The following SNAP47 variants were observed in gnomAD, a reference collection of about 807,000 sequenced individuals.
SNAP47 encodes synaptosomal-associated protein 47.
Under a neutral mutation model 31.4 loss-of-function variants are expected in SNAP47, and 20 were observed. The ratio of observed to expected loss-of-function variants is 0.64; its 90% CI spans 0.45 to 0.93. The LOEUF (loss-of-function observed/expected upper bound fraction) is 0.93, where lower values mean the gene tolerates loss of function less well. SNAP47 is among the 40% of genes least tolerant of loss of function. The probability of loss-of-function intolerance (pLI) is 0.00; values close to 1 mark genes in which losing one functional copy is unlikely to be tolerated. For synonymous variants in SNAP47, 194 were observed against 213.4 expected (o/e 0.91, Z 0.79); for missense variants, 492 against 528.5 (o/e 0.93, Z 0.68).
chr1:227,754,453 G>GGC (rs1662570706), intron 2 of SNAP47, among the ~76,000 whole-genome samples: 1 of 152,138 alleles, frequency 6.6e-6, no homozygotes, highest in African/African-American at 2.4e-5. Context: ...CTGTCCATCC[G>GGC]TAAGGGTGGA....
chr1:227,759,674 G>T (rs559970375), intron 3 of SNAP47, 189 bp downstream of exon 3: 1 of 693,452 alleles, frequency 1.4e-6, no homozygotes, highest in East Asian at 2.7e-5. Flanking sequence ...CTTGACATCT[G>T]TGAATCTGAA....
intron 2 of SNAP47, among the ~76,000 whole-genome samples, chr1:227,754,475 G>A (rs1662571964): frequency 1.3e-5 from 2 of 152,150 alleles, no homozygotes; most frequent in Non-Finnish European, 2.9e-5. Context: ...CCCTAGCCAG[G>A]GACCACGCCC....
chr1:227,735,256 G>T, upstream of SNAP47: 1 of 1,603,408 alleles, frequency 6.2e-7, no homozygotes, highest in South Asian at 1.1e-5. Context: ...CGGCGAGGGC[G>T]CGCGTCTCGC....
intron 4 of SNAP47, chr1:227,770,569 A>G (rs1663737525): frequency 6.5e-6 from 1 of 154,710 alleles, no homozygotes; most frequent in Admixed American, 6.5e-5. Context: ...TCTCTTTTTT[A>G]GGAACTGGAG....
At chr1:227,758,934 A>G (rs540218133) in intron 2 of SNAP47, 61 bp from the exon 3 acceptor site, 2 of 1,520,402 alleles carry the variant, frequency 1.3e-6, no homozygotes, top group Non-Finnish European at 1.8e-6. Context: ...TTCCAAAAAA[A>G]AAGGTATTAC....
chr1:227,758,534 T>G (rs1002738080), intron 2 of SNAP47, among the ~76,000 whole-genome samples: 7 of 152,168 alleles, frequency 4.6e-5, no homozygotes, highest in African/African-American at 1.7e-4. Context: ...TGAGTCTGGC[T>G]GAGGCTGGGG....
intron 1 of SNAP47, 150 bp downstream of exon 1, chr1:227,735,649 AGGGGCGGGGACAGAGGCGGTTCTG>A: frequency 7.6e-7 from 1 of 1,311,488 alleles, no homozygotes; most frequent in Non-Finnish European, 9.7e-7. Flanking sequence ...GCGCTGGGAG[AGGGGCGGGGACAGAGGCGGTTCTG>A]GGGGCGGGAG....
chr1:227,767,152 C>T, intron 4 of SNAP47, 69 bp downstream of exon 4: 1 of 1,584,784 alleles, frequency 6.3e-7, no homozygotes, highest in South Asian at 1.1e-5. Context: ...CTCCTCTTGC[C>T]TTTCTGATCA....
chr1:227,772,608 T>A (rs1425865832), intron 4 of SNAP47, among the ~76,000 whole-genome samples: 1 of 152,146 alleles, frequency 6.6e-6, no homozygotes, highest in Non-Finnish European at 1.5e-5. Context: ...TACACAGTGG[T>A]CCTCTTATTA....
In SNAP47 at chr1:227,767,095, C is replaced by T; in HGVS notation, c.1113+12C>T. ...AGGAACTAACCCAGGTAAGATGTCC[C>T]CAGTGCCATGCCAGCCAGCGCTGTG... On this transcript the variant is annotated intron_variant, in intron 4 of 4. Transcript: ENST00000617596. 6.2e-7 allele frequency: 1 copy of T among 1,613,864 alleles called. No homozygotes were observed. Among genetic ancestry groups the T allele is most frequent in the Non-Finnish European group, 8.5e-7 (1 of 1,179,934 alleles).
intron 1 of SNAP47, among the ~76,000 whole-genome samples, chr1:227,737,897 A>G (rs1281091142): frequency 6.6e-6 from 1 of 151,844 alleles, no homozygotes; most frequent in Non-Finnish European, 1.5e-5. Context: ...GCAATTGTTT[A>G]TTGGGGTTTT....
chr1:227,735,751 T>TG, intron 1 of SNAP47: 1 of 972,584 alleles, frequency 1.0e-6, no homozygotes, highest in Non-Finnish European at 1.2e-6. Flanking sequence ...GAGGGAGAGC[T>TG]GGGGGGCCCT....
At chr1:227,752,503 G>A (rs1662444395) in intron 2 of SNAP47, among the ~76,000 whole-genome samples, 1 of 151,778 alleles carries the variant, frequency 6.6e-6, no homozygotes, top group Admixed American at 6.6e-5. Flanking sequence ...CTCTCTATCT[G>A]GTGCCTTTCA....
intron 1 of SNAP47, among the ~76,000 whole-genome samples, chr1:227,742,949 G>A (rs1384414517): frequency 6.6e-6 from 1 of 152,204 alleles, no homozygotes; most frequent in Non-Finnish European, 1.5e-5. Flanking sequence ...TGTGTGGCCT[G>A]CCGACCCTCG....
Position 227,767,045 on chromosome 1 carries a change from C to G in SNAP47, c.1075C>G (p.Pro359Ala). 6.2e-7 allele frequency: 1 copy of G among 1,614,092 alleles called. No individual in the cohort carries two copies. The highest frequency in any genetic ancestry group is 8.5e-7 in the Non-Finnish European group (1 of 1,180,014). Reference sequence around the variant, plus strand: ...AGCACTGCACCTGCAGACAAGCCTGCCAGCCCTTTCTGAGGCAGATACCCA... The same window carrying G: ...AGCACTGCACCTGCAGACAAGCCTGGCAGCCCTTTCTGAGGCAGATACCCA... ...GTALHLQTSL[P>A]ALSEADTQEL... Residue 359 changes from proline (P) to alanine (A), a missense_variant, in exon 4 of 5, where the codon CCA (proline) becomes GCA (alanine). Physicochemically the swap from Pro to Ala is conservative, Grantham distance 27. Coordinates refer to ENST00000617596, the MANE Select transcript of SNAP47 (RefSeq NM_053052.4).
At chr1:227,735,327 C>G (rs751065938), upstream of SNAP47, 1 of 1,600,434 alleles carries the variant, frequency 6.2e-7, no homozygotes, top group South Asian at 1.1e-5. Context: ...GGAGCGGAAA[C>G]GGTGAGGACC....
upstream of SNAP47, chr1:227,728,562 C>G (rs1483266016): frequency 1.4e-5 from 2 of 145,502 alleles, no homozygotes; most frequent in African/African-American, 5.1e-5. Context: ...CTCCCGCCCC[C>G]TCCCCGCCTG....
intron 1 of SNAP47, 168 bp downstream of exon 1, chr1:227,735,667 G>T: frequency 7.1e-6 from 7 of 984,986 alleles, no homozygotes; most frequent in Non-Finnish European, 8.4e-6. Context: ...GGACAGAGGC[G>T]GTTCTGGGGG....
At chr1:227,729,039 G>A (rs931662190) in intron 1 of SNAP47, among the ~76,000 whole-genome samples, 6 of 152,234 alleles carry the variant, frequency 3.9e-5, no homozygotes, top group African/African-American at 1.4e-4. Context: ...TAGGGCGTGG[G>A]GCCCCAGGTG....
Sources: allele counts gnomAD v4.1 joint callset (sites outside exome capture counted in the v4.1 genomes callset), GRCh38; gene constraint gnomAD v4.1.1; transcripts MANE v1.5; gene names NCBI Gene and HGNC (gene_info 2026-07-23, HGNC 2026-07-21).